PC: variants seen among roughly 807,000 people sequenced by gnomAD.
PC encodes pyruvate carboxylase, mitochondrial.
Under a neutral mutation model 107.8 loss-of-function variants are expected in PC, and 46 were observed. That is an observed-to-expected ratio of 0.43 (90% CI 0.34 to 0.55). PC has a LOEUF of 0.55. PC is among the 20% of genes least tolerant of loss of function. The pLI is 0.04. For synonymous variants in PC, 662 were observed against 684.7 expected (o/e 0.97, Z 0.52); for missense variants, 1,241 against 1,643.1 (o/e 0.76, Z 4.23).
chr11:66,928,818 C>A (rs1334956077), intron 3 of PC, among the ~76,000 whole-genome samples: 1 of 152,126 alleles, frequency 6.6e-6, no homozygotes, highest in Non-Finnish European at 1.5e-5. Context: ...AGCCACCGTG[C>A]CTGGCCATGA....
intron 12 of PC, chr11:66,859,732 G>A (rs780659355): frequency 6.2e-6 from 10 of 1,610,920 alleles, no homozygotes; most frequent in Non-Finnish European, 8.5e-6. Context: ...CCGGCCGCTG[G>A]GCCCTCTGAC....
intron 3 of PC, among the ~76,000 whole-genome samples, chr11:66,920,696 C>T (rs903532323): frequency 1.3e-5 from 2 of 152,150 alleles, no homozygotes; most frequent in African/African-American, 4.8e-5. Context: ...ACTCCAACCT[C>T]CTCAGGGAAC....
At chr11:66,936,161 T>C (rs955765062) in intron 3 of PC, among the ~76,000 whole-genome samples, 3 of 150,998 alleles carry the variant, frequency 2.0e-5, no homozygotes, top group Admixed American at 6.6e-5. Flanking sequence ...GGTGGGAGCA[T>C]TGCTTGAGCC....
chr11:66,951,646 C>T (rs931437364), intron 3 of PC, among the ~76,000 whole-genome samples: 1 of 152,038 alleles, frequency 6.6e-6, no homozygotes, highest in Admixed American at 6.6e-5. Context: ...AATCCCAGCA[C>T]TTTGAGGGGC....
intron 12 of PC, among the ~76,000 whole-genome samples, chr11:66,862,469 G>A (rs1946310228): frequency 6.6e-6 from 1 of 152,240 alleles, no homozygotes; most frequent in Non-Finnish European, 1.5e-5. Context: ...GCGCCTCGAT[G>A]ACAGGCAGGG....
Position 66,858,498 on chromosome 11 carries a change from G to T in PC, c.1369-5115C>A. The T allele has an allele frequency of 6.5e-7, 1 of 1,537,784 alleles. No homozygotes were observed. Among genetic ancestry groups the T allele is most frequent in the Non-Finnish European group, 8.7e-7 (1 of 1,147,838 alleles). ...GTGGCTGCGGCGGCTGGCGCGGCCG[G>T]ACGACCTGGAAACGTGCGCCTCCCC... On this transcript the variant is annotated intron_variant, in intron 12 of 22. Transcript: ENST00000393960. This position sits in a 1 kb window ranked among gnomAD's most constrained non-coding sequence, Gnocchi z 5.9.
intron 12 of PC, chr11:66,859,033 A>G (rs1272662436): frequency 6.6e-7 from 1 of 1,507,878 alleles, no homozygotes; most frequent in East Asian, 2.3e-5. Context: ...CGGCCAGCCG[A>G]CCCAGTGTGG....
In PC at chr11:66,852,859, G is replaced by A. The variant is rs761120671; in HGVS notation, c.1514-23C>T. 2.0e-6 allele frequency: 3 copies of A among 1,530,484 alleles called. No homozygotes were observed. Among genetic ancestry groups the A allele is most frequent in the Non-Finnish European group, 2.7e-6 (3 of 1,124,858 alleles). The allele number at this position is 1,530,484 out of a possible 1,614,324, so 94.8% of individuals were successfully genotyped here. A position where few individuals can be genotyped will look rare whatever the true frequency, so the allele number is the denominator to read the frequency against. ...GGCCTGGGGAGAAAGCGGGCAGTGGGTCAGGGTGGGCTGGGCAGAGGCTGA... is the reference window on the plus strand; with the variant it reads ...GGCCTGGGGAGAAAGCGGGCAGTGGATCAGGGTGGGCTGGGCAGAGGCTGA... On this transcript the variant is annotated intron_variant, in intron 13 of 22. Transcript: ENST00000393960. The surrounding 1 kb of genome is among the most constrained non-coding windows in gnomAD (Gnocchi z 4.7).
chr11:66,890,526 A>G (rs1292994788), intron 3 of PC, among the ~76,000 whole-genome samples: 3 of 134,536 alleles, frequency 2.2e-5, no homozygotes, highest in African/African-American at 8.4e-5. Flanking sequence ...TTTGAGATGG[A>G]GTCTCACTCT....
At chr11:66,918,971 C>G (rs1285893848) in intron 3 of PC, among the ~76,000 whole-genome samples, 1 of 152,168 alleles carries the variant, frequency 6.6e-6, no homozygotes, top group Non-Finnish European at 1.5e-5. Flanking sequence ...CAAGCCCCGT[C>G]AAGTTTCCAG....
At position 66,870,467 on chromosome 11, in the gene PC, T is replaced by A; in HGVS notation, c.752-14A>T. 6.2e-7 allele frequency: 1 copy of A among 1,611,672 alleles called. No homozygotes were observed. The highest frequency in any genetic ancestry group is 8.5e-7 in the Non-Finnish European group (1 of 1,179,758). On this transcript the variant is annotated splice_polypyrimidine_tract_variant and intron_variant, in intron 8 of 22. Coordinates refer to ENST00000393960, the MANE Select transcript of PC (RefSeq NM_001040716.2). The surrounding 1 kb of genome is among the most constrained non-coding windows in gnomAD (Gnocchi z 6.1). ...CATACTGGTCCCCTGGGGAGGGAGG[T>A]AAACTGGGCTTAGCTTTTACTGGAA...
chr11:66,941,114 A>C (rs1461065926), intron 3 of PC, among the ~76,000 whole-genome samples: 1 of 149,528 alleles, frequency 6.7e-6, no homozygotes, highest in African/African-American at 2.5e-5. Context: ...GCTCAACATC[A>C]CTAATCATTA....
chr11:66,849,698 G>T lies in PC; in HGVS notation c.3060C>A (p.Phe1020Leu), dbSNP rs1439546768. 6.2e-7 allele frequency: 1 copy of T among 1,614,090 alleles called. No individual in the cohort carries two copies. Among genetic ancestry groups the T allele is most frequent in the African/African-American group, 1.3e-5 (1 of 74,922 alleles). ...AAMYPDVFAHFKDFTATFGPL... is the reference protein window; with the variant it reads ...AAMYPDVFAHLKDFTATFGPL... ...GGCCAAAGGTGGCAGTGAAGTCCTT[G>T]AAGTGGGCAAACACATCGGGGTACA... Residue 1020 changes from phenylalanine (F) to leucine (L), a missense_variant, in exon 21 of 23, where the codon TTC (phenylalanine) becomes TTA (leucine). Physicochemically the swap from Phe to Leu is conservative, Grantham distance 22. This residue lies in a region of PC where 1,143 missense variants were observed against 1,551.9 expected (regional missense o/e 0.74). Transcript: ENST00000393960.
intron 3 of PC, among the ~76,000 whole-genome samples, chr11:66,941,809 AAAAG>A (rs1949137484): frequency 6.6e-6 from 1 of 151,958 alleles, no homozygotes; most frequent in African/African-American, 2.4e-5. Context: ...TTCAGCCTTA[AAAAG>A]AAATTCCGGC....
chr11:66,956,986 G>A (rs946194374), intron 1 of PC, among the ~76,000 whole-genome samples: 1 of 152,202 alleles, frequency 6.6e-6, no homozygotes, highest in African/African-American at 2.4e-5. Flanking sequence ...CCCAGTGTAG[G>A]GATAGGAACA....
intron 11 of PC, among the ~76,000 whole-genome samples, chr11:66,865,606 C>T (rs1451023551): frequency 1.3e-5 from 2 of 152,150 alleles, no homozygotes; most frequent in Non-Finnish European, 1.5e-5. Context: ...AGGAGCCTGC[C>T]GTGGACCGCC....
At chr11:66,885,741 C>T (rs1460698327) in intron 3 of PC, among the ~76,000 whole-genome samples, 1 of 143,924 alleles carries the variant, frequency 6.9e-6, no homozygotes, top group East Asian at 2.0e-4. Flanking sequence ...CCAGGCAGGA[C>T]CCTCCCAGAG....
chr11:66,909,300 C>T (rs911813816), intron 3 of PC, among the ~76,000 whole-genome samples: 1 of 152,198 alleles, frequency 6.6e-6, no homozygotes, highest in Admixed American at 6.5e-5. Flanking sequence ...TGCACTCAGC[C>T]TAAGCCTCAC....
At chr11:66,949,409 C>T (rs1253738511) in intron 3 of PC, among the ~76,000 whole-genome samples, 1 of 151,972 alleles carries the variant, frequency 6.6e-6, no homozygotes, top group Non-Finnish European at 1.5e-5. Context: ...TCAAAAAGCC[C>T]CCTAAGGCCG....
Sources: gnomAD v4.1 joint callset for allele counts (sites outside exome capture counted in the v4.1 genomes callset) on GRCh38, gnomAD v4.1.1 for gene constraint, gnomAD v4.1.1 regional missense constraint, Gnocchi (gnomAD v3.1) non-coding constraint, MANE v1.5 for transcripts, NCBI Gene and HGNC (gene_info 2026-07-23, HGNC 2026-07-21) for gene names.